The following ARHGAP24 variants were observed in gnomAD, a reference collection of about 807,000 sequenced individuals.
ARHGAP24 encodes Rho GTPase activating protein 24, also known as rho GTPase-activating protein 24.
Under a neutral mutation model 76.4 loss-of-function variants are expected in ARHGAP24, and 50 were observed. The observed-to-expected ratio is 0.65, with a 90% CI of 0.52 to 0.83. ARHGAP24 has a LOEUF of 0.83. Ranked by LOEUF, ARHGAP24 falls within the 40% of genes least tolerant of loss-of-function variation. The pLI is 0.00. For synonymous variants in ARHGAP24, 345 were observed against 323.3 expected (o/e 1.07, Z -0.72); for missense variants, 930 against 914.2 (o/e 1.02, Z -0.22).
In ARHGAP24 at chr4:85,942,268, T is replaced by G. The variant is rs377337392; in HGVS notation, c.594T>G (p.Phe198Leu). 1 of 1,613,882 alleles carries G rather than the reference T, an allele frequency of 6.2e-7. No homozygotes were observed. The highest frequency in any genetic ancestry group is 1.1e-5 in the South Asian group (1 of 91,082). ...DAFDCGEKPS[F>L]DSNTDVHTVA... ...TTGACTGTGGGGAGAAGCCATCATT[T>G]GACAGGTAGATGTCACAATTTTACT... is the stretch of plus-strand genomic sequence containing the variant. The change falls in exon 5 of 10, where the codon TTT becomes TTG. Residue 198 changes from phenylalanine (F) to leucine (L), a missense_variant. Phe to Leu is a conservative substitution (Grantham distance 22, BLOSUM62 0). Transcript: ENST00000395184.
At chr4:85,726,943 GGT>G (rs1725190836) in intron 3 of ARHGAP24, among the ~76,000 whole-genome samples, 1 of 152,098 alleles carries the variant, frequency 6.6e-6, no homozygotes, top group Admixed American at 6.6e-5. Context: ...CCGAGGTAGG[GGT>G]ATCACCTGAG....
At position 85,543,457 on chromosome 4, in the gene ARHGAP24, G is replaced by A. The variant is rs147184961; in HGVS notation, c.-20-27065G>A. ...GACTAAAGAAATGTTTTGGTTGTGG[G>A]AGCGGGAAGAATGACATCTTCTACT... On this transcript the variant is annotated intron_variant, in intron 1 of 9. Coordinates refer to ENST00000395184, the MANE Select transcript of ARHGAP24 (RefSeq NM_001025616.3). Among the ~76,000 whole-genome samples, 1,449 of 152,248 alleles carry A rather than the reference G, an allele frequency of 9.5e-3. 12 individuals carry two copies. Among genetic ancestry groups the A allele is most frequent in the East Asian group, 0.018 (94 of 5,174 alleles).
At chr4:85,781,005 C>T (rs112909043) in intron 3 of ARHGAP24, among the ~76,000 whole-genome samples, 1 of 152,210 alleles carries the variant, frequency 6.6e-6, no homozygotes, top group African/African-American at 2.4e-5. Flanking sequence ...ATTTTAGTCC[C>T]ATTCACAATC....
intron 2 of ARHGAP24, among the ~76,000 whole-genome samples, chr4:85,601,810 T>C (rs78931974): frequency 0.036 from 5,517 of 152,188 alleles, 323 homozygotes; most frequent in African/African-American, 0.13. Context: ...TGATGATTTT[T>C]CCACTTGGAA....
At chr4:85,712,532 T>G (rs1724566482) in intron 2 of ARHGAP24, among the ~76,000 whole-genome samples, 1 of 152,158 alleles carries the variant, frequency 6.6e-6, no homozygotes, top group Non-Finnish European at 1.5e-5. Flanking sequence ...AAGTCTGAAG[T>G]CATGGTGTGG....
intron 3 of ARHGAP24, among the ~76,000 whole-genome samples, chr4:85,731,167 C>CACA (rs1725393005): frequency 2.0e-5 from 3 of 151,914 alleles, no homozygotes; most frequent in Non-Finnish European, 4.4e-5. Context: ...ACAAAACCAC[C>CACA]TTCTTATACC....
intron 1 of ARHGAP24, among the ~76,000 whole-genome samples, chr4:85,547,311 A>G (rs2110126572): frequency 6.6e-6 from 1 of 152,140 alleles, no homozygotes; most frequent in South Asian, 2.1e-4. Context: ...CCTCAGTTTT[A>G]TTTGTCTGTT....
intron 3 of ARHGAP24, among the ~76,000 whole-genome samples, chr4:85,865,130 ATT>A (rs1322801575): frequency 6.6e-6 from 1 of 152,008 alleles, no homozygotes; most frequent in East Asian, 1.9e-4. Context: ...CTTGGAGAAC[ATT>A]TTCTTCTGTT....
intron 2 of ARHGAP24, among the ~76,000 whole-genome samples, chr4:85,583,016 T>A (rs1727681479): frequency 1.3e-5 from 2 of 152,154 alleles, no homozygotes; most frequent in Admixed American, 1.3e-4. Context: ...ACTTACATTA[T>A]GTTGCATTCC....
intron 2 of ARHGAP24, among the ~76,000 whole-genome samples, chr4:85,583,590 A>G (rs1313399190): frequency 2.0e-5 from 3 of 152,072 alleles, no homozygotes; most frequent in East Asian, 3.9e-4. Flanking sequence ...AAATTGACAA[A>G]TGGGATCTAA....
intron 3 of ARHGAP24, among the ~76,000 whole-genome samples, chr4:85,798,133 G>T (rs536436653): frequency 2.0e-5 from 3 of 152,248 alleles, no homozygotes; most frequent in Admixed American, 6.5e-5. Flanking sequence ...TCAAAAAGTT[G>T]CAAGATATAA....
intron 1 of ARHGAP24, among the ~76,000 whole-genome samples, chr4:85,514,622 G>C (rs1387209827): frequency 1.3e-5 from 2 of 151,784 alleles, no homozygotes; most frequent in African/African-American, 4.8e-5. Context: ...TTTGAATCAG[G>C]AGTGGCAGAG....
At chr4:85,508,498 G>A (rs939946234) in intron 1 of ARHGAP24, among the ~76,000 whole-genome samples, 1 of 152,016 alleles carries the variant, frequency 6.6e-6, no homozygotes, top group Non-Finnish European at 1.5e-5. Context: ...TTGACCTAAG[G>A]CAAAAAGACC....
Position 85,995,030 on chromosome 4 carries a change from C to T in ARHGAP24, c.1376C>T (p.Ala459Val). The change falls in exon 9 of 10, where the codon GCC becomes GTC. Residue 459 changes from alanine (A) to valine (V), a missense_variant. Transcript: ENST00000395184. ...ACCACCCCCAATGGGAGCCTACAGG[C>T]CAGAAGGAGCTCTTCACTGAAGGTA... ...TQTTPNGSLQ[A>V]RRSSSLKVSG... is the part of the protein sequence containing the mutation. 2 of 1,614,046 alleles carry T rather than the reference C, an allele frequency of 1.2e-6. No individual in the cohort carries two copies. The highest frequency in any genetic ancestry group is 1.7e-6 in the Non-Finnish European group (2 of 1,180,022).
intron 1 of ARHGAP24, among the ~76,000 whole-genome samples, chr4:85,494,696 A>C (rs1439005329): frequency 1.3e-5 from 2 of 152,018 alleles, no homozygotes; most frequent in African/African-American, 4.8e-5. Flanking sequence ...AAAAATAAAA[A>C]ATAAAAAAAA....
intron 1 of ARHGAP24, among the ~76,000 whole-genome samples, chr4:85,478,247 C>A (rs1451547618): frequency 1.3e-5 from 2 of 152,164 alleles, no homozygotes; most frequent in African/African-American, 4.8e-5. Flanking sequence ...AAGATCTCTC[C>A]CAGATACAGA....
intron 9 of ARHGAP24, among the ~76,000 whole-genome samples, chr4:85,996,397 C>T (rs1030845327): frequency 6.6e-6 from 1 of 152,226 alleles, no homozygotes; most frequent in Non-Finnish European, 1.5e-5. Flanking sequence ...TGCATCTTCT[C>T]ATAAAATGAT....
intron 1 of ARHGAP24, among the ~76,000 whole-genome samples, chr4:85,526,787 T>C (rs1234704731): frequency 6.6e-6 from 1 of 152,158 alleles, no homozygotes; most frequent in East Asian, 1.9e-4. Flanking sequence ...GAATCTCTTG[T>C]AGAGAATACA....
intron 3 of ARHGAP24, among the ~76,000 whole-genome samples, chr4:85,906,150 T>C (rs1017656963): frequency 6.6e-6 from 1 of 152,172 alleles, no homozygotes; most frequent in Non-Finnish European, 1.5e-5. Flanking sequence ...AAACCTATGA[T>C]AAATATTTCA....
Sources: allele counts gnomAD v4.1 joint callset (sites outside exome capture counted in the v4.1 genomes callset), GRCh38; gene constraint gnomAD v4.1.1; transcripts MANE v1.5; gene names NCBI Gene and HGNC (gene_info 2026-07-23, HGNC 2026-07-21).